The following NOVA1 variants were observed in gnomAD, a reference collection of about 807,000 sequenced individuals.
The protein encoded by NOVA1 is NOVA alternative splicing regulator 1.
Under a neutral mutation model 38.0 loss-of-function variants are expected in NOVA1, and 7 were observed. The ratio of observed to expected loss-of-function variants is 0.18; its 90% CI spans 0.10 to 0.35. The LOEUF is 0.35. Among genes scored for constraint, NOVA1 ranks in the 10% least tolerant of loss-of-function variants. The probability of loss-of-function intolerance (pLI) is 1.00; values close to 1 mark genes in which losing one functional copy is unlikely to be tolerated. For synonymous variants in NOVA1, 270 were observed against 232.5 expected (o/e 1.16, Z -1.47); for missense variants, 460 against 616.0 (o/e 0.75, Z 2.68).
intron 2 of NOVA1, among the ~76,000 whole-genome samples, chr14:26,576,391 T>G (rs1892844193): frequency 6.6e-6 from 1 of 151,476 alleles, no homozygotes. Flanking sequence ...AGAATAATTT[T>G]TACGGATACT....
intron 2 of NOVA1, among the ~76,000 whole-genome samples, chr14:26,551,241 G>A (rs774191869): frequency 8.6e-5 from 13 of 151,962 alleles, no homozygotes; most frequent in Non-Finnish European, 1.5e-4. Flanking sequence ...ATGTGTAAAT[G>A]AGCAGCTGTT....
chr14:26,486,229 C>T (rs1328212348), intron 2 of NOVA1, among the ~76,000 whole-genome samples: 2 of 152,034 alleles, frequency 1.3e-5, no homozygotes, highest in Non-Finnish European at 2.9e-5. Context: ...CTTACACAAA[C>T]AGTGCTTTGT....
At chr14:26,595,098 T>C (rs542216406) in intron 2 of NOVA1, among the ~76,000 whole-genome samples, 52 of 152,156 alleles carry the variant, frequency 3.4e-4, no homozygotes, top group Admixed American at 1.1e-3. Flanking sequence ...AAGAACCCTA[T>C]TTCCTGATGC....
intron 2 of NOVA1, among the ~76,000 whole-genome samples, chr14:26,512,785 A>G (rs1471943198): frequency 6.6e-6 from 1 of 151,842 alleles, no homozygotes; most frequent in Non-Finnish European, 1.5e-5. Context: ...CAAATATTAT[A>G]AAACTTTACT....
intron 2 of NOVA1, among the ~76,000 whole-genome samples, chr14:26,510,165 G>A (rs1887962079): frequency 6.6e-6 from 1 of 152,106 alleles, no homozygotes; most frequent in African/African-American, 2.4e-5. Context: ...GCTTTACGGT[G>A]GATTCATTAA....
rs1882209120 is a variant in NOVA1 at position 26,447,880 on chromosome 14, C to T, written c.*79G>A. ...ATATATTAATAACAGAAAAACTTCACTTCTGCAAAGTACAGTACATCCTTC... is the reference window on the plus strand; with the variant it reads ...ATATATTAATAACAGAAAAACTTCATTTCTGCAAAGTACAGTACATCCTTC... On this transcript the variant is annotated 3_prime_UTR_variant, in exon 5 of 5. Transcript: ENST00000539517. The T allele has an allele frequency of 2.6e-6, 3 of 1,151,910 alleles. No individual in the cohort carries two copies. The highest frequency in any genetic ancestry group is 3.8e-6 in the Non-Finnish European group (3 of 792,626). 71.4% of individuals were successfully genotyped at this position (1,151,910 alleles called of 1,614,324 possible).
intron 2 of NOVA1, among the ~76,000 whole-genome samples, chr14:26,578,823 T>C (rs949175672): frequency 6.6e-6 from 1 of 152,108 alleles, no homozygotes; most frequent in Non-Finnish European, 1.5e-5. Context: ...TGATAACCTT[T>C]AGTCATCCCT....
rs558760075 is a variant in NOVA1 at position 26,587,070 on chromosome 14, A to G, written c.280+8340T>C. On this transcript the variant is annotated intron_variant, in intron 2 of 4. Transcript: ENST00000539517. The stretch of plus-strand genomic sequence containing the variant: ...CCACAATTGCACCACAAATTCAGAA[A>G]ACACATTTCAAAGCTACAGGACAAT... 3.3e-5 allele frequency among the ~76,000 whole-genome samples: 5 copies of G among 151,114 alleles called. No individual in the cohort carries two copies. The East Asian group carries it at 9.7e-4, about 29-fold the overall frequency.
intron 4 of NOVA1, among the ~76,000 whole-genome samples, chr14:26,449,757 G>A (rs1050819503): frequency 6.6e-6 from 1 of 151,706 alleles, no homozygotes; most frequent in East Asian, 1.9e-4. Context: ...TAAAATTAGG[G>A]CTTACTACCA....
At chr14:26,533,473 G>A (rs1473407836) in intron 2 of NOVA1, among the ~76,000 whole-genome samples, 1 of 152,024 alleles carries the variant, frequency 6.6e-6, no homozygotes, top group Non-Finnish European at 1.5e-5. Flanking sequence ...TATAGGAAAA[G>A]GTACAAATTC....
chr14:26,567,290 ATTT>A (rs372263187), intron 2 of NOVA1, among the ~76,000 whole-genome samples: 1,724 of 93,704 alleles, frequency 0.018, 15 homozygotes, highest in African/African-American at 0.066. Context: ...GTCTTGTTTA[ATTT>A]TTTTTTTTTT....
intron 4 of NOVA1, among the ~76,000 whole-genome samples, chr14:26,463,737 G>A (rs149453579): frequency 2.0e-5 from 3 of 151,992 alleles, no homozygotes; most frequent in Non-Finnish European, 2.9e-5. Flanking sequence ...CCTTGATTTC[G>A]TACACCATAA....
At chr14:26,514,424 C>A (rs1431217689) in intron 2 of NOVA1, among the ~76,000 whole-genome samples, 12 of 151,536 alleles carry the variant, frequency 7.9e-5, no homozygotes, top group Non-Finnish European at 1.8e-4. Context: ...ATAATTATAA[C>A]AAAGTGTTCA....
intron 2 of NOVA1, among the ~76,000 whole-genome samples, chr14:26,549,094 C>T (rs1244380223): frequency 3.3e-5 from 5 of 152,022 alleles, no homozygotes; most frequent in African/African-American, 1.2e-4. Context: ...GAGGTTGAGG[C>T]TGCAGTGAGC....
chr14:26,496,308 G>T (rs1460729742), intron 2 of NOVA1, among the ~76,000 whole-genome samples: 26 of 152,246 alleles, frequency 1.7e-4, no homozygotes, highest in East Asian at 5.8e-4. Context: ...TTGAGAAGTG[G>T]CTGTTCATGT....
intron 2 of NOVA1, among the ~76,000 whole-genome samples, chr14:26,555,699 A>C (rs1420741186): frequency 3.9e-5 from 6 of 152,138 alleles, no homozygotes; most frequent in African/African-American, 1.4e-4. Flanking sequence ...AGTTAATAAT[A>C]TCAACCTACA....
rs536881520 is a variant in NOVA1 at position 26,583,116 on chromosome 14, A to G, written c.280+12294T>C. Among the ~76,000 whole-genome samples the G allele has an allele frequency of 1.1e-4, 17 of 151,888 alleles. No individual in the cohort carries two copies. The East Asian group carries it at 3.3e-3, about 29-fold the overall frequency. On this transcript the variant is annotated intron_variant, in intron 2 of 4. Transcript: ENST00000539517. ...ACAATTAGTTTAAAATACTACTGTA[A>G]AGAAAGCATGGTTTCAAATTTTCAG...
chr14:26,557,067 T>C (rs1447364494), intron 2 of NOVA1, among the ~76,000 whole-genome samples: 1 of 152,176 alleles, frequency 6.6e-6, no homozygotes, highest in East Asian at 1.9e-4. Flanking sequence ...TGCACATCTC[T>C]GTACACATTT....
At chr14:26,597,181 G>A in intron 1 of NOVA1, 120 bp downstream of exon 1, 2 of 1,173,976 alleles carry the variant, frequency 1.7e-6, no homozygotes, top group Non-Finnish European at 2.1e-6. Flanking sequence ...CCGGGTTCGG[G>A]CTGGAGGTGT....
Sources: gnomAD v4.1 joint callset for allele counts (sites outside exome capture counted in the v4.1 genomes callset) on GRCh38, gnomAD v4.1.1 for gene constraint, MANE v1.5 for transcripts, NCBI Gene and HGNC (gene_info 2026-07-23, HGNC 2026-07-21) for gene names.